The following RIMS1 variants were observed in gnomAD, a reference collection of about 807,000 sequenced individuals.
The protein encoded by RIMS1 is regulating synaptic membrane exocytosis 1.
A neutral mutation model predicts 214.1 loss-of-function variants in RIMS1; 83 were observed. That is an observed-to-expected ratio of 0.39 (90% CI 0.32 to 0.47). The LOEUF (loss-of-function observed/expected upper bound fraction) is 0.47, where lower values mean the gene tolerates loss of function less well. Among genes scored for constraint, RIMS1 ranks in the 20% least tolerant of loss-of-function variants. The pLI, the probability that RIMS1 is intolerant of heterozygous loss-of-function variation, is 0.99. For missense variants in RIMS1, 2,050 were observed against 2,161.8 expected, an observed-to-expected ratio of 0.95 and a Z score of 1.03; for synonymous variants, 793 against 786.8, an observed-to-expected ratio of 1.01 and a Z score of -0.13.
intron 6 of RIMS1, among the ~76,000 whole-genome samples, chr6:72,191,277 G>A (rs1055740361): frequency 6.6e-6 from 1 of 152,190 alleles, no homozygotes; most frequent in African/African-American, 2.4e-5. Context: ...GGTTGTAGAA[G>A]GTTGCCAAAT....
At chr6:72,276,897 G>A (rs2086739524) in intron 23 of RIMS1, among the ~76,000 whole-genome samples, 1 of 152,078 alleles carries the variant, frequency 6.6e-6, no homozygotes, top group Non-Finnish European at 1.5e-5. Context: ...AGTAAATATG[G>A]CATCAGATTT....
chr6:71,990,608 G>A (rs1801302191), intron 2 of RIMS1, among the ~76,000 whole-genome samples: 1 of 151,936 alleles, frequency 6.6e-6, no homozygotes, highest in East Asian at 1.9e-4. Context: ...CAGAGGCCCA[G>A]AGGGGCCTAA....
chr6:71,964,617 G>A (rs1793923858), intron 1 of RIMS1, among the ~76,000 whole-genome samples: 1 of 152,086 alleles, frequency 6.6e-6, no homozygotes, highest in African/African-American at 2.4e-5. Flanking sequence ...ATTTTCACTT[G>A]AACTGCTGGA....
chr6:72,006,051 C>G (rs1170029266), intron 2 of RIMS1, among the ~76,000 whole-genome samples: 1 of 152,148 alleles, frequency 6.6e-6, no homozygotes, highest in African/African-American at 2.4e-5. Flanking sequence ...GAAGTGGGGG[C>G]TTGCTTCCTG....
intron 1 of RIMS1, among the ~76,000 whole-genome samples, chr6:71,947,429 T>C (rs555114116): frequency 6.6e-6 from 1 of 152,250 alleles, no homozygotes; most frequent in African/African-American, 2.4e-5. Flanking sequence ...AACATTATGC[T>C]AATTGAAATA....
At chr6:72,291,313 T>C (rs1484051878) in intron 25 of RIMS1, among the ~76,000 whole-genome samples, 1 of 152,216 alleles carries the variant, frequency 6.6e-6, no homozygotes, top group Non-Finnish European at 1.5e-5. Context: ...GGAAGTCCGC[T>C]TAATCCTGGG....
chr6:71,926,173 C>A (rs1474798163), intron 1 of RIMS1, among the ~76,000 whole-genome samples: 1 of 152,150 alleles, frequency 6.6e-6, no homozygotes, highest in Non-Finnish European at 1.5e-5. Flanking sequence ...CCTTGTGATC[C>A]ACCTGCCTTG....
At chr6:72,016,842 A>G (rs144973275) in intron 2 of RIMS1, among the ~76,000 whole-genome samples, 297 of 152,318 alleles carry the variant, frequency 1.9e-3, no homozygotes, top group Non-Finnish European at 3.5e-3. Context: ...ATTCCCTTCA[A>G]TGCTTATAAT....
chr6:72,394,454 G>A (rs1299882558), intron 31 of RIMS1, among the ~76,000 whole-genome samples: 1 of 152,124 alleles, frequency 6.6e-6, no homozygotes, highest in Non-Finnish European at 1.5e-5. Flanking sequence ...TGTCAAGTAT[G>A]TAGTAGGGGT....
rs982200130 is a variant in RIMS1 at position 72,313,437 on chromosome 6, C to T, written c.3964-69C>T. ...ATTTGGTGTGGGCTAAGTAGTCATT[C>T]ATCTCACCATCTATGTTTTTTCCAT... On this transcript the variant is annotated intron_variant, in intron 27 of 33. Transcript: ENST00000521978. 13 of 1,418,200 alleles carry T rather than the reference C, an allele frequency of 9.2e-6. No individual in the cohort carries two copies. In the African/African-American group the frequency reaches 9.9e-5, roughly 11 times the overall value. The allele number at this position is 1,418,200 out of a possible 1,614,324, so 87.9% of individuals were successfully genotyped here.
chr6:72,257,922 C>T (rs1181270831), intron 16 of RIMS1, among the ~76,000 whole-genome samples: 2 of 152,114 alleles, frequency 1.3e-5, no homozygotes, highest in African/African-American at 4.8e-5. Context: ...TTGAGCAAAA[C>T]TGTAACCTGT....
intron 31 of RIMS1, among the ~76,000 whole-genome samples, chr6:72,393,239 AAC>A (rs1340373252): frequency 6.7e-6 from 1 of 149,708 alleles, no homozygotes; most frequent in Non-Finnish European, 1.5e-5. Flanking sequence ...GGTGGAGAAA[AAC>A]ACTAAAAAGT....
intron 1 of RIMS1, among the ~76,000 whole-genome samples, chr6:71,896,388 A>G (rs1326454489): frequency 6.6e-6 from 1 of 152,164 alleles, no homozygotes; most frequent in African/African-American, 2.4e-5. Flanking sequence ...CATGCCAGAC[A>G]CAAGCATTAG....
chr6:72,175,679 C>CA (rs11398431), intron 4 of RIMS1, among the ~76,000 whole-genome samples: 70,880 of 145,326 alleles, frequency 0.49, 17,877 homozygotes, highest in East Asian at 0.81. Context: ...ATTCCCCCAC[C>CA]AAAAAAAAAA....
chr6:72,182,224 A>T (rs1164310617), intron 5 of RIMS1, 60 bp from the exon 6 acceptor site: 7 of 1,469,160 alleles, frequency 4.8e-6, no homozygotes, highest in Non-Finnish European at 3.6e-6. Context: ...AGAAGAAAAC[A>T]TGTTTTTTAT....
At chr6:71,889,972 A>G (rs929662806) in intron 1 of RIMS1, among the ~76,000 whole-genome samples, 2 of 152,234 alleles carry the variant, frequency 1.3e-5, no homozygotes, top group African/African-American at 4.8e-5. Flanking sequence ...GTGCAGAACT[A>G]TCTCCTTAAG....
At chr6:72,380,691 C>A (rs1035849807) in intron 29 of RIMS1, among the ~76,000 whole-genome samples, 1 of 152,118 alleles carries the variant, frequency 6.6e-6, no homozygotes, top group Admixed American at 6.6e-5. Context: ...TCGTGTAATA[C>A]TTCAGATTAC....
At chr6:72,152,476 C>T (rs2043747348) in intron 4 of RIMS1, among the ~76,000 whole-genome samples, 1 of 152,076 alleles carries the variant, frequency 6.6e-6, no homozygotes, top group Non-Finnish European at 1.5e-5. Flanking sequence ...ATCTTTAAGG[C>T]ATTTTTTATG....
rs141170179 is a variant in RIMS1, at chr6:72,026,663, A to G, written c.245+57600A>G. On this transcript the variant is annotated intron_variant, in intron 2 of 33. Coordinates refer to ENST00000521978, the MANE Select transcript of RIMS1 (RefSeq NM_014989.7). Reference sequence around the variant, plus strand: ...CTAGGAACAACTTAAATGAAAACTTATACATGAAAACCTTATCTAATCAAC... The same window carrying G: ...CTAGGAACAACTTAAATGAAAACTTGTACATGAAAACCTTATCTAATCAAC... Among the ~76,000 whole-genome samples the G allele has an allele frequency of 2.6e-4, 40 of 152,224 alleles. 1 individual carries two copies. The East Asian group carries it at 7.5e-3, about 29-fold the overall frequency.
Sources: gnomAD v4.1 joint callset for allele counts (sites outside exome capture counted in the v4.1 genomes callset) on GRCh38, gnomAD v4.1.1 for gene constraint, MANE v1.5 for transcripts, NCBI Gene and HGNC (gene_info 2026-07-23, HGNC 2026-07-21) for gene names.